The following CACNA1A variants were observed in gnomAD, a reference collection of about 807,000 sequenced individuals.
CACNA1A encodes voltage-dependent P/Q-type calcium channel subunit alpha-1A.
CACNA1A carries 57 observed loss-of-function variants against 262.4 expected under a neutral mutation model. The observed-to-expected ratio is 0.22, with a 90% CI of 0.18 to 0.27. CACNA1A has a LOEUF of 0.27. CACNA1A is among the 10% of genes least tolerant of loss of function. The pLI is 1.00. For synonymous variants in CACNA1A, 1,431 were observed against 1,419.3 expected (o/e 1.01, Z -0.18); for missense variants, 2,526 against 3,562.8 (o/e 0.71, Z 7.41).
At chr19:13,216,441 G>A (rs1225812311) in intron 38 of CACNA1A, among the ~76,000 whole-genome samples, 1 of 43,298 alleles carries the variant, frequency 2.3e-5, no homozygotes, top group Non-Finnish European at 3.9e-5. Context: ...GAGTTCAAGC[G>A]ATTCTCCTAC....
At chr19:13,385,225 T>C (rs925912143) in intron 3 of CACNA1A, among the ~76,000 whole-genome samples, 3 of 148,360 alleles carry the variant, frequency 2.0e-5, no homozygotes, top group South Asian at 4.3e-4. Flanking sequence ...TTCTATTCTT[T>C]CTTTCTTTTT....
At chr19:13,327,754 G>A (rs78976991) in intron 10 of CACNA1A, among the ~76,000 whole-genome samples, 19,415 of 151,694 alleles carry the variant, frequency 0.13, 2,286 homozygotes, top group African/African-American at 0.32. Flanking sequence ...TGAATTTTTA[G>A]TACAGACACG....
chr19:13,485,988 C>A (rs950522316), intron 1 of CACNA1A, among the ~76,000 whole-genome samples: 1 of 152,202 alleles, frequency 6.6e-6, no homozygotes, highest in Admixed American at 6.5e-5. Context: ...TAAACAAGAT[C>A]ATGAAGGAGC....
intron 1 of CACNA1A, among the ~76,000 whole-genome samples, chr19:13,464,827 C>T (rs911614155): frequency 6.6e-5 from 10 of 152,248 alleles, no homozygotes; most frequent in South Asian, 6.2e-4. Context: ...GGATTACAGG[C>T]GTGAGCCACT....
chr19:13,498,888 G>A (rs1982005229), intron 1 of CACNA1A, among the ~76,000 whole-genome samples: 1 of 152,078 alleles, frequency 6.6e-6, no homozygotes, highest in Non-Finnish European at 1.5e-5. Flanking sequence ...CTAAACCCAG[G>A]ATAGTCCCAG....
In CACNA1A at chr19:13,257,491, G is replaced by A; in HGVS notation, c.4449C>T (p.Arg1483=). Residue 1483 remains arginine (R), a synonymous_variant, in exon 28 of 47, where the codon CGC becomes CGT. Coordinates refer to ENST00000360228, the MANE Select transcript of CACNA1A (RefSeq NM_001127222.2). ...CGACGTAGAAAATGGACATCTCCAT[G>A]CGGTACCCGGGGCTGGGGCCCTGGT... ...FENQGPSPGY[R]MEMSIFYVVY... 4 of 1,609,704 alleles carry A rather than the reference G, an allele frequency of 2.5e-6. No individual in the cohort carries two copies. The highest frequency in any genetic ancestry group is 1.3e-5 in the African/African-American group (1 of 74,976).
intron 3 of CACNA1A, among the ~76,000 whole-genome samples, chr19:13,401,342 T>C (rs2059896949): frequency 6.6e-6 from 1 of 152,234 alleles, no homozygotes; most frequent in East Asian, 1.9e-4. Flanking sequence ...GGTTTCCATG[T>C]TCTCACTAAT....
At chr19:13,269,192 GAC>G (rs1267944558) in intron 24 of CACNA1A, among the ~76,000 whole-genome samples, 1 of 152,152 alleles carries the variant, frequency 6.6e-6, no homozygotes, top group Non-Finnish European at 1.5e-5. Flanking sequence ...AGTTTTCAAT[GAC>G]AGTGATTTTT....
intron 3 of CACNA1A, among the ~76,000 whole-genome samples, chr19:13,449,154 G>A (rs995214691): frequency 6.0e-5 from 9 of 150,984 alleles, no homozygotes; most frequent in Non-Finnish European, 8.8e-5. Flanking sequence ...TTTTTTTATA[G>A]ATGGGGTTTC....
intron 3 of CACNA1A, among the ~76,000 whole-genome samples, chr19:13,440,597 T>A (rs937612400): frequency 6.6e-6 from 1 of 152,188 alleles, no homozygotes; most frequent in Non-Finnish European, 1.5e-5. Context: ...ATGCCTTATA[T>A]GTATCTCACT....
rs376879886 is a variant in CACNA1A, at chr19:13,506,257, G to A, written c.-33C>T. 7 of 1,413,136 alleles carry A rather than the reference G, an allele frequency of 5.0e-6. No individual in the cohort carries two copies. The African/African-American group carries it at 7.6e-5, about 15-fold the overall frequency. 87.5% of individuals were successfully genotyped at this position (1,413,136 alleles called of 1,614,324 possible). On this transcript the variant is annotated 5_prime_UTR_variant, in exon 1 of 47. Coordinates refer to ENST00000360228, the MANE Select transcript of CACNA1A (RefSeq NM_001127222.2). ...AGAGCAAAGGGCTCCGGGTTACGCT[G>A]CGGCGAACGATGCGGAAGACGCCGC... is the stretch of plus-strand genomic sequence containing the variant.
At chr19:13,343,469 T>C (rs542707413) in intron 6 of CACNA1A, among the ~76,000 whole-genome samples, 1 of 151,978 alleles carries the variant, frequency 6.6e-6, no homozygotes, top group African/African-American at 2.4e-5. Context: ...GACTCTTTTA[T>C]GGATCCCATG....
chr19:13,365,520 A>C lies in CACNA1A; in HGVS notation c.632-51T>G, dbSNP rs16005. ...ATAAGCCCATGAGCAAGTACCCCCA[A>C]ACCCCGCCACCAAGACGCCCAGGTC... On this transcript the variant is annotated intron_variant, in intron 4 of 46. Transcript: ENST00000360228. The C allele has an allele frequency of 2.5e-3, 3,852 of 1,554,924 alleles. 113 individuals carry two copies. The South Asian group carries it at 0.042, about 17-fold the overall frequency.
At chr19:13,233,537 G>C (rs190508884) in intron 34 of CACNA1A, among the ~76,000 whole-genome samples, 1 of 151,908 alleles carries the variant, frequency 6.6e-6, no homozygotes, top group South Asian at 2.1e-4. Context: ...GCCGAGGCTG[G>C]AGTGCAGTGG....
At chr19:13,317,740 T>A (rs568662257) in intron 10 of CACNA1A, among the ~76,000 whole-genome samples, 1 of 152,318 alleles carries the variant, frequency 6.6e-6, no homozygotes, top group African/African-American at 2.4e-5. Context: ...ATGAGACTGT[T>A]TTCCATGGAC....
At chr19:13,406,902 G>C (rs73922387) in intron 3 of CACNA1A, among the ~76,000 whole-genome samples, 20,143 of 151,606 alleles carry the variant, frequency 0.13, 2,780 homozygotes, top group African/African-American at 0.34. Context: ...TTCTTCTCTT[G>C]CCATTTCCCT....
intron 6 of CACNA1A, among the ~76,000 whole-genome samples, chr19:13,338,658 G>A (rs1233321836): frequency 6.6e-6 from 1 of 152,124 alleles, no homozygotes; most frequent in Non-Finnish European, 1.5e-5. Context: ...GGCTAAACTG[G>A]TGAATGATGC....
intron 14 of CACNA1A, 27 bp from the exon 15 acceptor site, chr19:13,307,881 G>A (rs776702466): frequency 1.6e-5 from 26 of 1,604,744 alleles, no homozygotes; most frequent in East Asian, 8.9e-5. Flanking sequence ...GACATTTCAC[G>A]TTGGCCCCAC....
At chr19:13,365,243 C>T in intron 5 of CACNA1A, 74 bp downstream of exon 5, 1 of 1,360,406 alleles carries the variant, frequency 7.4e-7, no homozygotes, top group African/African-American at 1.4e-5. Flanking sequence ...AGAAGCACAC[C>T]CCTGCCTAAT....
Sources: allele counts gnomAD v4.1 joint callset (sites outside exome capture counted in the v4.1 genomes callset), GRCh38; gene constraint gnomAD v4.1.1; transcripts MANE v1.5; gene names NCBI Gene and HGNC (gene_info 2026-07-23, HGNC 2026-07-21).